Variants in LSAMP observed in about 807,000 individuals in gnomAD.
LSAMP encodes limbic system associated membrane protein.
A neutral mutation model predicts 38.6 loss-of-function variants in LSAMP; 7 were observed. The ratio of observed to expected loss-of-function variants is 0.18; its 90% CI spans 0.10 to 0.34. LSAMP has a LOEUF of 0.34. Ranked by LOEUF, LSAMP falls within the 10% of genes least tolerant of loss-of-function variation. The probability of loss-of-function intolerance (pLI) is 1.00; values close to 1 mark genes in which losing one functional copy is unlikely to be tolerated. For synonymous variants in LSAMP, 154 were observed against 166.8 expected (o/e 0.92, Z 0.59); for missense variants, 313 against 420.0 (o/e 0.75, Z 2.23).
At chr3:116,428,593 G>A (rs2049236204) in intron 1 of LSAMP, among the ~76,000 whole-genome samples, 1 of 152,124 alleles carries the variant, frequency 6.6e-6, no homozygotes, top group African/African-American at 2.4e-5. Context: ...TTTGAGATAT[G>A]TAATGTCTAC....
chr3:116,185,522 G>T lies in LSAMP; in HGVS notation c.156-98966C>A, dbSNP rs72961569. Among the ~76,000 whole-genome samples, 515 of 151,972 alleles carry T rather than the reference G, an allele frequency of 3.4e-3. 7 individuals carry two copies. The highest frequency in any genetic ancestry group is 0.012 in the African/African-American group (486 of 41,430). On this transcript the variant is annotated intron_variant, in intron 1 of 6. Transcript: ENST00000490035. ...TACTGGGTTTTCTTTATACTATAAG[G>T]TTTTTACTCAGTTTTCATTTATACT...
chr3:116,415,497 C>T (rs1303590241), intron 1 of LSAMP, among the ~76,000 whole-genome samples: 1 of 152,044 alleles, frequency 6.6e-6, no homozygotes, highest in East Asian at 1.9e-4. Context: ...TTCCTTGATG[C>T]TTTTCAACAT....
intron 3 of LSAMP, among the ~76,000 whole-genome samples, chr3:115,969,715 C>T (rs948218930): frequency 7.2e-5 from 11 of 152,164 alleles, no homozygotes; most frequent in African/African-American, 2.7e-4. Flanking sequence ...TAATCCTCAA[C>T]AACTAGTGAG....
chr3:116,261,686 ATTC>A (rs2046828165), intron 1 of LSAMP, among the ~76,000 whole-genome samples: 1 of 152,114 alleles, frequency 6.6e-6, no homozygotes, highest in Admixed American at 6.6e-5. Flanking sequence ...CTTCAAAAAA[ATTC>A]TTAGCCAACT....
chr3:115,830,141 G>A (rs1934562849), intron 6 of LSAMP, among the ~76,000 whole-genome samples: 1 of 152,182 alleles, frequency 6.6e-6, no homozygotes, highest in Admixed American at 6.5e-5. Flanking sequence ...AGGTGTATAT[G>A]TAAATCAGCC....
In LSAMP at chr3:115,802,520, ATTTTAAT is replaced by A. The variant is rs1162233792; in HGVS notation, c.*7790_*7796del. On this transcript the variant is annotated 3_prime_UTR_variant, in exon 7 of 7. Coordinates refer to ENST00000490035, the MANE Select transcript of LSAMP (RefSeq NM_002338.5). The stretch of plus-strand genomic sequence containing the variant: ...AGAAAAAAAGCTTTTTTTCATTTTA[ATTTTAAT>A]TTTTTTTTTTTAACACACATTGCGC... 7.3e-6 allele frequency: 1 copy of A among 136,290 alleles called. No homozygotes were observed. The highest frequency in any genetic ancestry group is 1.6e-5 in the Non-Finnish European group (1 of 64,242). The allele number at this position is 136,290 out of a possible 1,614,324, so 8.4% of individuals were successfully genotyped here. A position where few individuals can be genotyped will look rare whatever the true frequency, so the allele number is the denominator to read the frequency against.
chr3:116,255,276 T>C (rs1285174180), intron 1 of LSAMP, among the ~76,000 whole-genome samples: 2 of 152,192 alleles, frequency 1.3e-5, no homozygotes, highest in African/African-American at 2.4e-5. Context: ...AGGGCAGTTA[T>C]ATTTTATCAA....
intron 1 of LSAMP, among the ~76,000 whole-genome samples, chr3:116,326,778 A>G (rs570791873): frequency 1.3e-5 from 2 of 152,178 alleles, no homozygotes; most frequent in African/African-American, 4.8e-5. Context: ...TTAATTCTTC[A>G]TATGAACTTC....
chr3:116,257,394 T>A (rs1391240987), intron 1 of LSAMP, among the ~76,000 whole-genome samples: 1 of 152,168 alleles, frequency 6.6e-6, no homozygotes, highest in African/African-American at 2.4e-5. Context: ...TTAGTCCTTT[T>A]TCTCTCTTGT....
chr3:116,229,050 C>G (rs910817068), intron 1 of LSAMP, among the ~76,000 whole-genome samples: 9 of 152,018 alleles, frequency 5.9e-5, no homozygotes, highest in African/African-American at 1.9e-4. Context: ...ACAAAGTCAG[C>G]AATTAATTTT....
intron 1 of LSAMP, among the ~76,000 whole-genome samples, chr3:116,104,017 T>C (rs997154961): frequency 6.6e-6 from 1 of 152,138 alleles, no homozygotes; most frequent in Non-Finnish European, 1.5e-5. Flanking sequence ...AGAGTGGAAG[T>C]GATCAAAGAA....
intron 1 of LSAMP, among the ~76,000 whole-genome samples, chr3:116,168,233 T>A (rs1019153896): frequency 2.6e-5 from 4 of 152,206 alleles, no homozygotes; most frequent in African/African-American, 7.2e-5. Context: ...TATTATTTTT[T>A]TTTTACTGAC....
intron 2 of LSAMP, among the ~76,000 whole-genome samples, chr3:116,050,600 C>T (rs1281218791): frequency 6.6e-6 from 1 of 151,922 alleles, no homozygotes; most frequent in Non-Finnish European, 1.5e-5. Context: ...AAAGCACCAG[C>T]AAACCAGATG....
rs1440279276 is a variant in LSAMP at position 116,358,030 on chromosome 3, T to C, written c.155+86847A>G. On this transcript the variant is annotated intron_variant, in intron 1 of 6. Coordinates refer to ENST00000490035, the MANE Select transcript of LSAMP (RefSeq NM_002338.5). ...AGAATCTCTTTGGGTTTCCTCCTTA[T>C]GATACATGAGTTCCAATTACTTTCT... Among the ~76,000 whole-genome samples, 3 of 152,200 alleles carry C rather than the reference T, an allele frequency of 2.0e-5. No homozygotes were observed. The East Asian group carries it at 5.8e-4, about 29-fold the overall frequency.
At chr3:115,994,615 C>T (rs1285261956) in intron 3 of LSAMP, among the ~76,000 whole-genome samples, 2 of 151,760 alleles carry the variant, frequency 1.3e-5, no homozygotes, top group African/African-American at 4.8e-5. Flanking sequence ...TGAGTGATCC[C>T]CAAATACTGG....
intron 1 of LSAMP, among the ~76,000 whole-genome samples, chr3:116,442,245 T>C (rs2049445933): frequency 1.3e-5 from 2 of 152,146 alleles, no homozygotes; most frequent in East Asian, 3.9e-4. Context: ...GCCAAACTCC[T>C]GTCACTGGAT....
intron 3 of LSAMP, among the ~76,000 whole-genome samples, chr3:115,889,142 A>T (rs1936530803): frequency 6.6e-6 from 1 of 151,898 alleles, no homozygotes; most frequent in Non-Finnish European, 1.5e-5. Context: ...TTCATCCAGT[A>T]CAGGGCTGGA....
At chr3:115,820,193 T>C (rs1934184771) in intron 6 of LSAMP, among the ~76,000 whole-genome samples, 1 of 152,140 alleles carries the variant, frequency 6.6e-6, no homozygotes, top group South Asian at 2.1e-4. Context: ...TTGCCAGGGA[T>C]ATAATTTTTG....
intron 3 of LSAMP, among the ~76,000 whole-genome samples, chr3:115,951,204 T>G (rs1431687620): frequency 4.6e-5 from 7 of 152,170 alleles, no homozygotes; most frequent in Non-Finnish European, 8.8e-5. Flanking sequence ...CTTCTAGACA[T>G]TGGCTTAGGC....
Sources: gnomAD v4.1 joint callset for allele counts (sites outside exome capture counted in the v4.1 genomes callset) on GRCh38, gnomAD v4.1.1 for gene constraint, MANE v1.5 for transcripts, NCBI Gene and HGNC (gene_info 2026-07-23, HGNC 2026-07-21) for gene names.